RORA: variants seen among roughly 807,000 people sequenced by gnomAD.
RORA encodes RAR related orphan receptor A.
In RORA, 7 loss-of-function variants were observed where a neutral mutation model predicts 69.5. The ratio of observed to expected loss-of-function variants is 0.10; its 90% confidence interval spans 0.06 to 0.19. The LOEUF (loss-of-function observed/expected upper bound fraction) is 0.19, where lower values mean the gene tolerates loss of function less well. Ranked by LOEUF, RORA falls within the 10% of genes least tolerant of loss-of-function variation. The pLI, the probability that RORA is intolerant of heterozygous loss-of-function variation, is 1.00. For missense variants in RORA, 457 were observed against 663.0 expected, an observed-to-expected ratio of 0.69 and a Z score of 3.41; for synonymous variants, 261 against 240.8, an observed-to-expected ratio of 1.08 and a Z score of -0.78.
intron 2 of RORA, among the ~76,000 whole-genome samples, chr15:60,543,224 A>G (rs921042949): frequency 1.3e-4 from 15 of 114,284 alleles, no homozygotes; most frequent in African/African-American, 3.8e-4. Context: ...AGGAAAAAGG[A>G]GAGAGTTGAT....
In RORA at chr15:61,229,154, G is replaced by C; in HGVS notation, c.65C>G (p.Ala22Gly). The change falls in exon 1 of 11, where the codon GCG (alanine) becomes GGG (glycine). Residue 22 changes from alanine to glycine, a missense_variant. This residue lies in a region of RORA where 119 missense variants were observed against 92.4 expected (regional missense o/e 1.29). Coordinates refer to ENST00000335670, the MANE Select transcript of RORA (RefSeq NM_134261.3). ...CGGGGTCTCCCTGGAGCCGGCGGCC[G>C]CGTCCGCGCCGCTGCTGCCTGGCTC... The part of the protein sequence containing the change: ...ASEPGSSGAD[A>G]AAGSRETPLN... 6.5e-7 allele frequency: 1 copy of C among 1,546,528 alleles called. No homozygotes were observed. Among genetic ancestry groups the C allele is most frequent in the East Asian group, 2.4e-5 (1 of 41,078 alleles).
chr15:61,038,051 A>G (rs1012482453), intron 1 of RORA, among the ~76,000 whole-genome samples: 4 of 152,212 alleles, frequency 2.6e-5, no homozygotes, highest in African/African-American at 9.7e-5. Context: ...TTTCTGTAAC[A>G]TCGCATTTAA....
rs747629565 is a variant in RORA, at chr15:61,229,110, G to A, written c.109C>T (p.Arg37Cys). The A allele has an allele frequency of 5.6e-5, 87 of 1,540,568 alleles. 1 individual carries two copies. In the South Asian group the frequency reaches 9.9e-4, roughly 18 times the overall value. The change falls in exon 1 of 11, where the codon CGC becomes TGC. Residue 37 changes from arginine to cysteine, a missense_variant. This residue lies in a region of RORA where 119 missense variants were observed against 92.4 expected (regional missense o/e 1.29). Transcript: ENST00000335670. ...ACCGGGGCAGGCGGCTCGCTCTTGC[G>A]GGCGGATTCCTGGTTCAGCGGGGTC... Reference protein sequence around the residue: ...RETPLNQESARKSEPPAPVRR... With the variant: ...RETPLNQESACKSEPPAPVRR...
At chr15:61,134,251 A>G (rs1383208436) in intron 1 of RORA, among the ~76,000 whole-genome samples, 1 of 152,134 alleles carries the variant, frequency 6.6e-6, no homozygotes, top group Non-Finnish European at 1.5e-5. Flanking sequence ...GATGATCTAG[A>G]GTGTTCATAC....
chr15:61,073,035 T>A (rs1033403590), intron 1 of RORA, among the ~76,000 whole-genome samples: 1 of 152,004 alleles, frequency 6.6e-6, no homozygotes, highest in African/African-American at 2.4e-5. Context: ...AAACGGAGGG[T>A]TTCCTGTCCA....
intron 1 of RORA, among the ~76,000 whole-genome samples, chr15:60,813,622 C>T (rs774812802): frequency 3.3e-5 from 5 of 151,378 alleles, no homozygotes; most frequent in East Asian, 1.9e-4. Context: ...TCTTAGCATA[C>T]GTTGTGTGGC....
At chr15:61,101,323 A>G (rs1276704985) in intron 1 of RORA, among the ~76,000 whole-genome samples, 1 of 152,174 alleles carries the variant, frequency 6.6e-6, no homozygotes, top group Non-Finnish European at 1.5e-5. Flanking sequence ...AAGTAAATGG[A>G]AGCAAAGTAG....
chr15:60,980,204 C>T (rs557710815), intron 1 of RORA, among the ~76,000 whole-genome samples: 1 of 152,282 alleles, frequency 6.6e-6, no homozygotes, highest in South Asian at 2.1e-4. Flanking sequence ...ATATGTTGAA[C>T]AAACTTTGCA....
intron 1 of RORA, among the ~76,000 whole-genome samples, chr15:61,000,192 A>T (rs942381511): frequency 1.3e-5 from 2 of 152,226 alleles, no homozygotes; most frequent in African/African-American, 4.8e-5. Flanking sequence ...GTTGATGGTG[A>T]GTTCTTCTTG....
intron 2 of RORA, among the ~76,000 whole-genome samples, chr15:60,538,409 A>G (rs1379250527): frequency 6.6e-6 from 1 of 152,180 alleles, no homozygotes; most frequent in Non-Finnish European, 1.5e-5. Context: ...CTCTTTGAAG[A>G]TGAAAAACCT....
chr15:60,500,790 G>C (rs945628716), intron 9 of RORA, among the ~76,000 whole-genome samples, 169 bp downstream of exon 9: 1 of 152,174 alleles, frequency 6.6e-6, no homozygotes, highest in Non-Finnish European at 1.5e-5. Context: ...TGTTGGATGG[G>C]TGGAAAAGAG....
At chr15:60,725,140 C>T (rs1469325837) in intron 1 of RORA, among the ~76,000 whole-genome samples, 1 of 152,196 alleles carries the variant, frequency 6.6e-6, no homozygotes, top group Non-Finnish European at 1.5e-5. Context: ...TTCAGAAGTG[C>T]CACATTCAGA....
At chr15:61,041,766 GT>G (rs1212341931) in intron 1 of RORA, among the ~76,000 whole-genome samples, 1 of 152,136 alleles carries the variant, frequency 6.6e-6, no homozygotes, top group African/African-American at 2.4e-5. Flanking sequence ...GCTCAGAGAG[GT>G]TCATCCCCAT....
intron 2 of RORA, among the ~76,000 whole-genome samples, chr15:60,597,595 C>CATATATATATATATATATATATATAT (rs1303389761): frequency 3.3e-5 from 1 of 30,402 alleles, no homozygotes; most frequent in Non-Finnish European, 5.8e-5. Flanking sequence ...TATATATATA[C>CATATATATATATATATATATATATAT]ACATATATAT....
chr15:61,219,907 A>T (rs1400644558), intron 1 of RORA, among the ~76,000 whole-genome samples: 1 of 152,186 alleles, frequency 6.6e-6, no homozygotes, highest in African/African-American at 2.4e-5. Context: ...AGGGTTCAAG[A>T]GCCCTTTCAG....
intron 1 of RORA, chr15:60,848,360 A>C (rs1423867926): frequency 6.6e-6 from 1 of 152,308 alleles, no homozygotes; most frequent in Non-Finnish European, 1.5e-5. Flanking sequence ...CCATATGATC[A>C]CAAGAGTCCT....
chr15:60,590,199 C>CTCTCTCTCTCTCTT (rs1251309664), intron 2 of RORA, among the ~76,000 whole-genome samples: 24 of 151,872 alleles, frequency 1.6e-4, no homozygotes, highest in African/African-American at 4.8e-4. Context: ...CTCTCTCTCT[C>CTCTCTCTCTCTCTT]TTTCAGGCAG....
chr15:60,783,212 G>T (rs79370276), intron 1 of RORA, among the ~76,000 whole-genome samples: 1 of 152,070 alleles, frequency 6.6e-6, no homozygotes, highest in Admixed American at 6.5e-5. Context: ...TGGAATCAGA[G>T]GATTTACTTG....
intron 1 of RORA, among the ~76,000 whole-genome samples, chr15:60,991,537 A>T (rs569986897): frequency 7.2e-6 from 1 of 139,480 alleles, no homozygotes; most frequent in African/African-American, 2.8e-5. Context: ...AGTTTTTGTT[A>T]AAAAAATGGC....
Sources: gnomAD v4.1 joint callset for allele counts (sites outside exome capture counted in the v4.1 genomes callset) on GRCh38, gnomAD v4.1.1 for gene constraint, gnomAD v4.1.1 regional missense constraint, MANE v1.5 for transcripts, NCBI Gene and HGNC (gene_info 2026-07-23, HGNC 2026-07-21) for gene names.